The following ACTN1 variants were observed in gnomAD, a reference collection of about 807,000 sequenced individuals.
The protein encoded by ACTN1 is actinin alpha 1.
ACTN1 carries 30 observed loss-of-function variants against 119.6 expected under a neutral mutation model. That is an observed-to-expected ratio of 0.25 (90% confidence interval 0.19 to 0.34). The LOEUF (loss-of-function observed/expected upper bound fraction) is 0.34. Among genes scored for constraint, ACTN1 ranks in the 10% least tolerant of loss-of-function variants. The probability of loss-of-function intolerance (pLI) is 1.00; values close to 1 mark genes in which losing one functional copy is unlikely to be tolerated. For synonymous variants in ACTN1, 429 were observed against 472.6 expected, an observed-to-expected ratio of 0.91 and a Z score of 1.20; for missense variants, 764 against 1,223.4, an observed-to-expected ratio of 0.62 and a Z score of 5.60.
At chr14:68,890,391 C>T in intron 10 of ACTN1, 105 bp from the exon 11 acceptor site, 1 of 1,350,076 alleles carries the variant, frequency 7.4e-7, no homozygotes, top group Non-Finnish European at 1.0e-6. Flanking sequence ...CAGGAAGAGC[C>T]TCTTCCCTAT....
chr14:68,949,942 G>C (rs2036074254), intron 1 of ACTN1, among the ~76,000 whole-genome samples: 1 of 152,176 alleles, frequency 6.6e-6, no homozygotes. Flanking sequence ...GGAATTATCA[G>C]GACTGGGGGT....
chr14:68,881,235 G>GA (rs2031479909), intron 16 of ACTN1: 2 of 416,108 alleles, frequency 4.8e-6, no homozygotes, highest in African/African-American at 4.0e-5. Flanking sequence ...ACCAACTCTC[G>GA]GGTACCTGTC....
chr14:68,890,112 G>A, intron 11 of ACTN1, 27 bp downstream of exon 11: 1 of 1,600,182 alleles, frequency 6.2e-7, no homozygotes. Flanking sequence ...AGCCCTGGGG[G>A]GAGGCAGGAG....
intron 1 of ACTN1, among the ~76,000 whole-genome samples, chr14:68,957,221 A>G (rs1027583854): frequency 2.0e-5 from 3 of 152,186 alleles, no homozygotes; most frequent in Non-Finnish European, 4.4e-5. Flanking sequence ...GCACATCTCT[A>G]ACAGAGTCTG....
intron 3 of ACTN1, among the ~76,000 whole-genome samples, chr14:68,917,505 C>T (rs1293710043): frequency 6.6e-6 from 1 of 152,212 alleles, no homozygotes; most frequent in Non-Finnish European, 1.5e-5. Flanking sequence ...TGCAACGTTC[C>T]CCCGCTCCCC....
intron 1 of ACTN1, among the ~76,000 whole-genome samples, chr14:68,935,780 T>G (rs1314470710): frequency 6.6e-6 from 1 of 151,420 alleles, no homozygotes; most frequent in African/African-American, 2.4e-5. Context: ...ACAAAGGTGC[T>G]TTTTCCATTT....
chr14:68,925,138 G>A lies in ACTN1; in HGVS notation c.220+420C>T, dbSNP rs555556962. ...TAAGCAGGATGAGATGTGTGTTCCAGTAGAGCTGTCCCTCCAGACATCTGG... is the reference window on the plus strand; with the variant it reads ...TAAGCAGGATGAGATGTGTGTTCCAATAGAGCTGTCCCTCCAGACATCTGG... On this transcript the variant is annotated intron_variant, in intron 2 of 21. Coordinates refer to ENST00000394419, the MANE Select transcript of ACTN1 (RefSeq NM_001130004.2). This position sits in a 1 kb window ranked among gnomAD's most constrained non-coding sequence, Gnocchi z 4.3. 1.3e-5 allele frequency among the ~76,000 whole-genome samples: 2 copies of A among 152,278 alleles called. No individual in the cohort carries two copies. Among genetic ancestry groups the A allele is most frequent in the East Asian group, 3.9e-4 (2 of 5,176 alleles).
In ACTN1 at chr14:68,885,612, G is replaced by C; in HGVS notation, c.1235-37C>G. 1 of 1,603,386 alleles carries C rather than the reference G, an allele frequency of 6.2e-7. No individual in the cohort carries two copies. Among genetic ancestry groups the C allele is most frequent in the South Asian group, 1.1e-5 (1 of 90,752 alleles). ...GAGGGCCACATGGCTGAGCTGGAGT[G>C]AGAAGCATCTCCTTGGTCCCAACCG... On this transcript the variant is annotated intron_variant, in intron 11 of 21. Transcript: ENST00000394419. The surrounding 1 kb of genome is among the most constrained non-coding windows in gnomAD (Gnocchi z 5.6).
At chr14:68,896,949 C>T (rs1022937113) in intron 8 of ACTN1, among the ~76,000 whole-genome samples, 1 of 152,114 alleles carries the variant, frequency 6.6e-6, no homozygotes. Flanking sequence ...TCTGTGTTTC[C>T]TTTCCCTTAG....
chr14:68,932,708 C>T (rs1191838452), intron 1 of ACTN1, among the ~76,000 whole-genome samples: 2 of 151,844 alleles, frequency 1.3e-5, no homozygotes, highest in African/African-American at 4.8e-5. Flanking sequence ...GTCACACACG[C>T]CAAGGTCTAA....
chr14:68,974,435 T>G (rs2036995947), intron 1 of ACTN1, among the ~76,000 whole-genome samples: 1 of 152,056 alleles, frequency 6.6e-6, no homozygotes, highest in Non-Finnish European at 1.5e-5. Context: ...AATTTTAAAC[T>G]ATAATAGAAG....
At chr14:68,889,538 T>C (rs1292710231) in intron 11 of ACTN1, among the ~76,000 whole-genome samples, 1 of 152,242 alleles carries the variant, frequency 6.6e-6, no homozygotes. Flanking sequence ...CTCACGCCTG[T>C]AATCCCAACA....
rs1375768189 is a variant in ACTN1, at chr14:68,878,242, T to C, written c.2427+216A>G. ...ACCAGAAGATGAAGTGGCACAGAGA[T>C]TGAGGCGAGGAGGTCAGGCCTCCCG... On this transcript the variant is annotated intron_variant, in intron 20 of 21. Coordinates refer to ENST00000394419, the MANE Select transcript of ACTN1 (RefSeq NM_001130004.2). The surrounding 1 kb of genome is among the most constrained non-coding windows in gnomAD (Gnocchi z 4.4). 14 of 536,666 alleles carry C rather than the reference T, an allele frequency of 2.6e-5. No individual in the cohort carries two copies. Among genetic ancestry groups the C allele is most frequent in the Non-Finnish European group, 4.1e-5 (13 of 315,234 alleles). The allele number at this position is 536,666 out of a possible 1,614,324, so 33.2% of individuals were successfully genotyped here. A position where few individuals can be genotyped will look rare whatever the true frequency, so the allele number is the denominator to read the frequency against.
At chr14:68,942,096 C>A (rs1270423113) in intron 1 of ACTN1, among the ~76,000 whole-genome samples, 1 of 152,194 alleles carries the variant, frequency 6.6e-6, no homozygotes, top group Non-Finnish European at 1.5e-5. Flanking sequence ...GGAAGCATCA[C>A]AAGCCACCAC....
intron 1 of ACTN1, among the ~76,000 whole-genome samples, chr14:68,971,792 C>T (rs879807913): frequency 6.6e-5 from 10 of 152,346 alleles, no homozygotes; most frequent in Non-Finnish European, 1.2e-4. Flanking sequence ...CCAGAAGTAG[C>T]CTGCTGTAGC....
At chr14:68,937,811 C>T (rs1419754369) in intron 1 of ACTN1, among the ~76,000 whole-genome samples, 1 of 152,244 alleles carries the variant, frequency 6.6e-6, no homozygotes, top group Non-Finnish European at 1.5e-5. Context: ...CCTCCCCAGG[C>T]AAGCACCCTG....
In ACTN1 at chr14:68,885,366, G is replaced by C; in HGVS notation, c.1385+59C>G. On this transcript the variant is annotated intron_variant, in intron 12 of 21. Transcript: ENST00000394419. This position sits in a 1 kb window ranked among gnomAD's most constrained non-coding sequence, Gnocchi z 5.6. ...GGCCACACCCCCACCTCCCCCAGCA[G>C]CTGAGAAAGCCCAGCCTCAGCCCCT... 23 of 1,440,318 alleles carry C rather than the reference G, an allele frequency of 1.6e-5. No homozygotes were observed. The highest frequency in any genetic ancestry group is 2.1e-5 in the Non-Finnish European group (23 of 1,078,086). 89.2% of individuals were successfully genotyped at this position (1,440,318 alleles called of 1,614,324 possible).
chr14:68,936,704 A>C, intron 1 of ACTN1: 1 of 636,858 alleles, frequency 1.6e-6, no homozygotes, highest in South Asian at 1.4e-5. Context: ...AGCCGGAGGA[A>C]AGGGGCTTTG....
At chr14:68,936,230 A>T (rs1306085554) in intron 1 of ACTN1, among the ~76,000 whole-genome samples, 1 of 152,186 alleles carries the variant, frequency 6.6e-6, no homozygotes, top group South Asian at 2.1e-4. Context: ...TTTCCCAGGG[A>T]CAATTTCATC....
Sources: gnomAD v4.1 joint callset for allele counts (sites outside exome capture counted in the v4.1 genomes callset) on GRCh38, gnomAD v4.1.1 for gene constraint, Gnocchi (gnomAD v3.1) non-coding constraint, MANE v1.5 for transcripts, NCBI Gene and HGNC (gene_info 2026-07-23, HGNC 2026-07-21) for gene names.